The following ST8SIA2 variants were observed in gnomAD, a reference collection of about 807,000 sequenced individuals.
ST8SIA2 encodes ST8 alpha-N-acetyl-neuraminide alpha-2,8-sialyltransferase 2, also known as alpha-2,8-sialyltransferase 8B.
A neutral mutation model predicts 37.6 loss-of-function variants in ST8SIA2; 22 were observed. That is an observed-to-expected ratio of 0.58 (90% CI 0.42 to 0.83). The LOEUF is 0.83. Ranked by LOEUF, ST8SIA2 falls within the 40% of genes least tolerant of loss-of-function variation. The probability of loss-of-function intolerance (pLI) is 0.00; values close to 1 mark genes in which losing one functional copy is unlikely to be tolerated. For synonymous variants in ST8SIA2, 205 were observed against 201.2 expected (o/e 1.02, Z -0.16); for missense variants, 382 against 484.7 (o/e 0.79, Z 1.99).
At chr15:92,437,623 G>T (rs537884988) in intron 3 of ST8SIA2, among the ~76,000 whole-genome samples, 2 of 151,664 alleles carry the variant, frequency 1.3e-5, no homozygotes, top group East Asian at 3.9e-4. Flanking sequence ...GCACCAGCTT[G>T]CAGGATGGCA....
chr15:92,439,602 G>A (rs992223017), intron 4 of ST8SIA2, among the ~76,000 whole-genome samples: 4 of 152,206 alleles, frequency 2.6e-5, no homozygotes, highest in Admixed American at 6.5e-5. Flanking sequence ...CTATTGTAGA[G>A]TTCCCTAAAC....
At chr15:92,428,063 CTCG>C (rs1400347127) in intron 1 of ST8SIA2, among the ~76,000 whole-genome samples, 1 of 152,152 alleles carries the variant, frequency 6.6e-6, no homozygotes, top group African/African-American at 2.4e-5. Flanking sequence ...ACTCCTGGTA[CTCG>C]TCGTGATAAT....
rs762756864 is a variant in ST8SIA2, at chr15:92,445,021, C to T, written c.842+92C>T. ...CCCTTTCCCAGGTGCATTTCCATCC[C>T]AGCTCCACCACTCATTTGCTGGATG... On this transcript the variant is annotated intron_variant, in intron 5 of 5. Coordinates refer to ENST00000268164, the MANE Select transcript of ST8SIA2 (RefSeq NM_006011.4). 15 of 1,558,074 alleles carry T rather than the reference C, an allele frequency of 9.6e-6. No individual in the cohort carries two copies. The Admixed American group carries it at 1.7e-4, about 17-fold the overall frequency.
Position 92,394,018 on chromosome 15 carries a change from T to G in ST8SIA2, c.-47T>G. ...GTCCGCCGCTGCGCCCTCCGGCCCCTGCTCCTCGCGCCGGCCCGCGTGGGT... is the reference window on the plus strand; with the variant it reads ...GTCCGCCGCTGCGCCCTCCGGCCCCGGCTCCTCGCGCCGGCCCGCGTGGGT... On this transcript the variant is annotated 5_prime_UTR_variant, in exon 1 of 6. Coordinates refer to ENST00000268164, the MANE Select transcript of ST8SIA2 (RefSeq NM_006011.4). The G allele has an allele frequency of 3.4e-6, 5 of 1,477,234 alleles. No individual in the cohort carries two copies. The highest frequency in any genetic ancestry group is 2.7e-5 in the East Asian group (1 of 36,816). 91.5% of individuals were successfully genotyped at this position (1,477,234 alleles called of 1,614,324 possible).
intron 2 of ST8SIA2, among the ~76,000 whole-genome samples, chr15:92,430,517 C>T (rs1485293567): frequency 6.6e-6 from 1 of 152,204 alleles, no homozygotes; most frequent in African/African-American, 2.4e-5. Context: ...CATTCGGGAA[C>T]TTTGCTGAGA....
Position 92,464,072 on chromosome 15 carries a change from C to CTTTTTTTTTTTT in ST8SIA2, c.843-16_843-5dup, listed in dbSNP as rs34156050. ...TGACTCACAGACCCATGTTTCTTTT[C>CTTTTTTTTTTTT]TTTTTTTTTTTTTTTTTTTTTTTCC... On this transcript the variant is annotated intron_variant, in intron 5 of 5. Transcript: ENST00000268164. The CTTTTTTTTTTTT allele has an allele frequency of 4.0e-4, 503 of 1,273,306 alleles. 61 individuals carry two copies. The highest frequency in any genetic ancestry group is 1.7e-3 in the South Asian group (108 of 63,730). The allele number at this position is 1,273,306 out of a possible 1,614,324, so 78.9% of individuals were successfully genotyped here. A position where few individuals can be genotyped will look rare whatever the true frequency, so the allele number is the denominator to read the frequency against.
intron 1 of ST8SIA2, among the ~76,000 whole-genome samples, chr15:92,411,815 G>A (rs2049551540): frequency 6.6e-6 from 1 of 152,182 alleles, no homozygotes; most frequent in Non-Finnish European, 1.5e-5. Context: ...CTCTGGGGGA[G>A]ATGGCAGTTG....
intron 3 of ST8SIA2, among the ~76,000 whole-genome samples, chr15:92,438,032 G>A (rs1461992386): frequency 6.6e-6 from 1 of 152,178 alleles, no homozygotes; most frequent in East Asian, 1.9e-4. Flanking sequence ...GGGGTGGTGG[G>A]CCACCCTTCC....
intron 4 of ST8SIA2, among the ~76,000 whole-genome samples, chr15:92,444,045 G>C (rs1317640422): frequency 1.3e-5 from 2 of 152,134 alleles, no homozygotes; most frequent in Non-Finnish European, 2.9e-5. Context: ...CTTCCCATAA[G>C]AGCGATGACA....
intron 1 of ST8SIA2, among the ~76,000 whole-genome samples, chr15:92,417,938 C>G (rs1387221376): frequency 6.6e-6 from 1 of 152,082 alleles, no homozygotes; most frequent in East Asian, 1.9e-4. Context: ...CTGAGTAACC[C>G]TTGCTTCCTC....
intron 1 of ST8SIA2, among the ~76,000 whole-genome samples, chr15:92,426,950 CG>C (rs1351206794): frequency 1.3e-5 from 2 of 151,782 alleles, no homozygotes; most frequent in Admixed American, 1.3e-4. Flanking sequence ...AAAAATTAGC[CG>C]GGCGTGATGG....
At position 92,403,514 on chromosome 15, in the gene ST8SIA2, G is replaced by T. The variant is rs562986168; in HGVS notation, c.98+9352G>T. Among the ~76,000 whole-genome samples the T allele has an allele frequency of 3.3e-5, 5 of 152,304 alleles. No homozygotes were observed. In the South Asian group the frequency reaches 1.0e-3, roughly 32 times the overall value. On this transcript the variant is annotated intron_variant, in intron 1 of 5. Transcript: ENST00000268164. The stretch of plus-strand genomic sequence containing the variant: ...CACTTCAGCGGAGGCTCTGGAAGAG[G>T]CAGACATACCTGGACTCTACCTGGG...
chr15:92,411,456 C>G (rs1418176384), intron 1 of ST8SIA2, among the ~76,000 whole-genome samples: 1 of 152,136 alleles, frequency 6.6e-6, no homozygotes, highest in Non-Finnish European at 1.5e-5. Context: ...CAGTCAGTAA[C>G]AGCTGCATGA....
chr15:92,419,048 A>AG (rs1022245148), intron 1 of ST8SIA2, among the ~76,000 whole-genome samples: 1 of 152,186 alleles, frequency 6.6e-6, no homozygotes, highest in African/African-American at 2.4e-5. Context: ...CCCAGAGAGA[A>AG]GGTCTCTCCG....
chr15:92,418,708 T>A (rs1275430892), intron 1 of ST8SIA2, among the ~76,000 whole-genome samples: 1 of 152,040 alleles, frequency 6.6e-6, no homozygotes, highest in Non-Finnish European at 1.5e-5. Context: ...AAAATATATA[T>A]GTATATATTC....
Position 92,394,011 on chromosome 15 carries a change from CG to C in ST8SIA2, c.-52del. ...CTCCGGCGTCCGCCGCTGCGCCCTC[CG>C]GCCCCTGCTCCTCGCGCCGGCCCGC... is the stretch of plus-strand genomic sequence containing the variant. On this transcript the variant is annotated 5_prime_UTR_variant, in exon 1 of 6. Coordinates refer to ENST00000268164, the MANE Select transcript of ST8SIA2 (RefSeq NM_006011.4). 1.4e-6 allele frequency: 2 copies of C among 1,419,972 alleles called. No individual in the cohort carries two copies. The highest frequency in any genetic ancestry group is 1.3e-5 in the South Asian group (1 of 77,770). 88.0% of individuals were successfully genotyped at this position (1,419,972 alleles called of 1,614,324 possible). A position where few individuals can be genotyped will look rare whatever the true frequency, so the allele number is the denominator to read the frequency against.
At chr15:92,394,322 C>T (rs930206778) in intron 1 of ST8SIA2, among the ~76,000 whole-genome samples, 160 bp downstream of exon 1, 8 of 151,950 alleles carry the variant, frequency 5.3e-5, no homozygotes, top group African/African-American at 1.9e-4. Context: ...GACAGGGGCC[C>T]GGGACGGTTT....
intron 1 of ST8SIA2, chr15:92,421,307 G>C (rs548212046): frequency 6.6e-6 from 1 of 152,358 alleles, no homozygotes; most frequent in South Asian, 2.1e-4. Context: ...ATATGGCAAA[G>C]ATTCCTCCTA....
intron 1 of ST8SIA2, among the ~76,000 whole-genome samples, chr15:92,418,591 A>G (rs2049606860): frequency 6.6e-6 from 1 of 152,152 alleles, no homozygotes; most frequent in Non-Finnish European, 1.5e-5. Flanking sequence ...AGAGACAGGC[A>G]AGAGAATTTT....
Sources: allele counts gnomAD v4.1 joint callset (sites outside exome capture counted in the v4.1 genomes callset), GRCh38; gene constraint gnomAD v4.1.1; transcripts MANE v1.5; gene names NCBI Gene and HGNC (gene_info 2026-07-23, HGNC 2026-07-21).